The following SYNM variants were observed in gnomAD, a reference collection of about 807,000 sequenced individuals.
The protein encoded by SYNM is synemin.
In SYNM, 95 loss-of-function variants were observed where a neutral mutation model predicts 104.0. The observed-to-expected ratio is 0.91, with a 90% CI of 0.77 to 1.08. The LOEUF is 1.08. SYNM is among the 50% of genes least tolerant of loss of function. The probability of loss-of-function intolerance (pLI) is 0.00; values close to 1 mark genes in which losing one functional copy is unlikely to be tolerated. For missense variants in SYNM, 2,150 were observed against 2,052.2 expected, an observed-to-expected ratio of 1.05 and a Z score of -0.92; for synonymous variants, 918 against 869.0, an observed-to-expected ratio of 1.06 and a Z score of -0.99.
At chr15:99,118,058 C>T (rs548442221) in intron 2 of SYNM, among the ~76,000 whole-genome samples, 1 of 152,294 alleles carries the variant, frequency 6.6e-6, no homozygotes, top group South Asian at 2.1e-4. Flanking sequence ...CTGACAGGCC[C>T]TGCCCCGCTG....
At chr15:99,123,810 A>G (rs2067423575) in intron 2 of SYNM, among the ~76,000 whole-genome samples, 1 of 152,272 alleles carries the variant, frequency 6.6e-6, no homozygotes, top group Non-Finnish European at 1.5e-5. Context: ...GGGGCTGCAC[A>G]GAGCAGTGGC....
chr15:99,139,311 A>G (rs1555488844), downstream of SYNM: 2 of 1,611,616 alleles, frequency 1.2e-6, no homozygotes, highest in South Asian at 1.1e-5. Flanking sequence ...AGGGACGCCA[A>G]CTCACGTGGA....
At position 99,105,940 on chromosome 15, in the gene SYNM, G is replaced by C. The variant is rs1226168944; in HGVS notation, c.741G>C (p.Leu247=). Reference sequence around the variant, plus strand: ...GCGAGGCGCTCGGGTTGGAGCAGCTGCGCGCGCGGCTGGAGGACGCGCTGC... The same window carrying C: ...GCGAGGCGCTCGGGTTGGAGCAGCTCCGCGCGCGGCTGGAGGACGCGCTGC... The part of the protein sequence containing the change: ...LRREALGLEQ[L]RARLEDALLR... Residue 247 remains leucine (L), a synonymous_variant, in exon 1 of 4, where the codon CTG becomes CTC. Transcript: ENST00000336292. The C allele has an allele frequency of 6.6e-7, 1 of 1,525,436 alleles. No individual in the cohort carries two copies. Among genetic ancestry groups the C allele is most frequent in the Admixed American group, 2.0e-5 (1 of 50,066 alleles). 94.5% of individuals were successfully genotyped at this position (1,525,436 alleles called of 1,614,324 possible).
chr15:99,105,495 A>G lies in SYNM; in HGVS notation c.296A>G (p.Asp99Gly). 1 of 1,313,038 alleles carries G rather than the reference A, an allele frequency of 7.6e-7. No individual in the cohort carries two copies. Among genetic ancestry groups the G allele is most frequent in the East Asian group, 3.2e-5 (1 of 30,876 alleles). The allele number at this position is 1,313,038 out of a possible 1,614,324, so 81.3% of individuals were successfully genotyped here. ...RRELRELQRL[D>G]AEERAARGRL... The stretch of plus-strand genomic sequence containing the variant: ...GAGCTGCGGGAGCTGCAGCGCCTGG[A>G]TGCGGAGGAGCGCGCCGCCCGCGGC... Residue 99 changes from aspartate (D) to glycine (G), a missense_variant, in exon 1 of 4, where the codon GAT becomes GGT. By Grantham distance (94) the Asp-to-Gly change is moderately conservative. Coordinates refer to ENST00000336292, the MANE Select transcript of SYNM (RefSeq NM_145728.3).
In SYNM at chr15:99,111,918, G is replaced by A. The variant is rs138697648; in HGVS notation, c.811-1673G>A. On this transcript the variant is annotated intron_variant, in intron 1 of 3. Transcript: ENST00000336292. ...AAATCAGTTGGGCGTGATGGCAGGC[G>A]CCTGTATACAGTCCCAGCTACTTGG... is the stretch of plus-strand genomic sequence containing the variant. Among the ~76,000 whole-genome samples the A allele has an allele frequency of 2.9e-3, 435 of 152,298 alleles. 2 individuals are homozygous for A. Among genetic ancestry groups the A allele is most frequent in the African/African-American group, 9.3e-3 (388 of 41,568 alleles).
chr15:99,133,205 C>A lies in SYNM; in HGVS notation c.*147C>A. The A allele has an allele frequency of 7.0e-7, 1 of 1,429,708 alleles. No individual in the cohort carries two copies. 88.6% of individuals were successfully genotyped at this position (1,429,708 alleles called of 1,614,324 possible). Reference sequence around the variant, plus strand: ...GAGTACTCCCGGCATGGTCAATTTCCTTTATAGTTAATCCGTAAAGGTTTC... The same window carrying A: ...GAGTACTCCCGGCATGGTCAATTTCATTTATAGTTAATCCGTAAAGGTTTC... On this transcript the variant is annotated 3_prime_UTR_variant, in exon 4 of 4. Transcript: ENST00000336292.
intron 2 of SYNM, among the ~76,000 whole-genome samples, chr15:99,117,353 C>T (rs1555484060): frequency 6.6e-6 from 1 of 152,164 alleles, no homozygotes; most frequent in Non-Finnish European, 1.5e-5. Flanking sequence ...GCCTCTGAGC[C>T]CATCACTGGC....
rs377291518 is a variant in SYNM at position 99,132,620 on chromosome 15, T to C, written c.4260T>C (p.Arg1420=). The C allele has an allele frequency of 6.2e-7, 1 of 1,614,048 alleles. No individual in the cohort carries two copies. Among genetic ancestry groups the C allele is most frequent in the East Asian group, 2.2e-5 (1 of 44,892 alleles). Residue 1420 remains arginine (R), a synonymous_variant, in exon 4 of 4, where the codon CGT becomes CGC. Transcript: ENST00000336292. ...ETETSEHIAI[R]GPVSRTFVLA... ...AAACCTCTGAACACATTGCCATCCG[T>C]GGACCCGTGTCCAGAACATTTGTGC...
chr15:99,113,613 A>G lies in SYNM; in HGVS notation c.833A>G (p.Asp278Gly), dbSNP rs367590163. ...ERQRVIDCLE[D>G]EKATLTLAMA... ...TAGAGAGTGATTGACTGCCTGGAGG[A>G]TGAGAAGGCAACCCTCACCTTGGCC... Residue 278 changes from aspartate to glycine, a missense_variant, in exon 2 of 4, where the codon GAT becomes GGT. By Grantham distance (94) the Asp-to-Gly change is moderately conservative. Coordinates refer to ENST00000336292, the MANE Select transcript of SYNM (RefSeq NM_145728.3). The G allele has an allele frequency of 4.5e-5, 73 of 1,613,384 alleles. No individual in the cohort carries two copies. The highest frequency in any genetic ancestry group is 5.9e-5 in the Non-Finnish European group (70 of 1,179,702).
chr15:99,113,899 G>T (rs1307861858), intron 2 of SYNM, among the ~76,000 whole-genome samples, 184 bp downstream of exon 2: 1 of 152,214 alleles, frequency 6.6e-6, no homozygotes, highest in Non-Finnish European at 1.5e-5. Flanking sequence ...AGTAGGGCTT[G>T]CTTAGGTCAC....
rs187672271 is a variant in SYNM, at chr15:99,116,327, G to A, written c.935+2612G>A. Among the ~76,000 whole-genome samples the A allele has an allele frequency of 1.4e-4, 22 of 152,264 alleles. No homozygotes were observed. In the East Asian group the frequency reaches 2.9e-3, roughly 20 times the overall value. ...AATATGGAAAACTTGAAAACACTCG[G>A]GCTTTATTTGGGGGAAGAAAGCATT... is the stretch of plus-strand genomic sequence containing the variant. On this transcript the variant is annotated intron_variant, in intron 2 of 3. Transcript: ENST00000336292.
chr15:99,106,859 CAA>C (rs1555482884), intron 1 of SYNM, among the ~76,000 whole-genome samples: 2 of 152,212 alleles, frequency 1.3e-5, no homozygotes, highest in Non-Finnish European at 2.9e-5. Context: ...CAGTAGTTCT[CAA>C]AAGGACAGAT....
chr15:99,121,267 C>T (rs536315750), intron 2 of SYNM, among the ~76,000 whole-genome samples: 10 of 152,046 alleles, frequency 6.6e-5, no homozygotes, highest in Admixed American at 5.9e-4. Context: ...CCAGGGCCAG[C>T]ACTGTGGAGG....
intron 1 of SYNM, among the ~76,000 whole-genome samples, chr15:99,112,428 A>G (rs888634699): frequency 6.6e-6 from 1 of 152,208 alleles, no homozygotes; most frequent in East Asian, 1.9e-4. Context: ...TGAAGCCCAT[A>G]TGTTTGTTTG....
Position 99,135,149 on chromosome 15 carries a change from T to G in SYNM, c.*2091T>G, listed in dbSNP as rs1555486538. 1 of 152,630 alleles carries G rather than the reference T, an allele frequency of 6.6e-6. No individual in the cohort carries two copies. The highest frequency in any genetic ancestry group is 2.4e-5 in the African/African-American group (1 of 41,424). The allele number at this position is 152,630 out of a possible 1,614,324, so 9.5% of individuals were successfully genotyped here. On this transcript the variant is annotated 3_prime_UTR_variant, in exon 4 of 4. Coordinates refer to ENST00000336292, the MANE Select transcript of SYNM (RefSeq NM_145728.3). ...AATATTATGACCCACTTCTATTTAC[T>G]TTGGGAAATATCTTGGATCTTAATT...
In SYNM at chr15:99,132,434, T is replaced by C. The variant is rs781950179; in HGVS notation, c.4074T>C (p.His1358=). ...ATGTGCACCAGGCCACTCACAGTCATACCTCGGGTAGACAAACCGTTATGA... is the reference window on the plus strand; with the variant it reads ...ATGTGCACCAGGCCACTCACAGTCACACCTCGGGTAGACAAACCGTTATGA... ...SADVHQATHS[H]TSGRQTVMTE... Residue 1358 remains histidine (H), a synonymous_variant, in exon 4 of 4, where the codon CAT becomes CAC. Transcript: ENST00000336292. The C allele has an allele frequency of 1.1e-5, 18 of 1,614,020 alleles. No individual in the cohort carries two copies. In the South Asian group the frequency reaches 2.0e-4, roughly 18 times the overall value.
intron 2 of SYNM, among the ~76,000 whole-genome samples, chr15:99,115,188 G>A (rs1456175664): frequency 4.6e-5 from 7 of 152,170 alleles, no homozygotes; most frequent in African/African-American, 1.7e-4. Flanking sequence ...CAGGATTGTG[G>A]AACATGTGGC....
Position 99,132,028 on chromosome 15 carries a change from T to C in SYNM, c.3668T>C (p.Phe1223Ser), listed in dbSNP as rs531586093. 1.2e-6 allele frequency: 2 copies of C among 1,613,948 alleles called. No individual in the cohort carries two copies. The highest frequency in any genetic ancestry group is 1.7e-5 in the Admixed American group (1 of 60,030). The change falls in exon 4 of 4, where the codon TTT becomes TCT. Residue 1223 changes from phenylalanine (F) to serine (S), a missense_variant. Transcript: ENST00000336292. ...DMDGSGRHST[F>S]GCRQFHAEKE... ...GACGGATCAGGGAGGCACAGCACAT[T>C]TGGCTGCAGACAATTTCATGCTGAA...
Position 99,131,319 on chromosome 15 carries a change from A to G in SYNM, c.2959A>G (p.Lys987Glu), listed in dbSNP as rs782412672. The G allele has an allele frequency of 5.6e-6, 9 of 1,613,060 alleles. No individual in the cohort carries two copies. Among genetic ancestry groups the G allele is most frequent in the Non-Finnish European group, 7.6e-6 (9 of 1,179,700 alleles). ...GGPGSVSVDV[K>E]KVQGAGGSSV... ...GCCGGGGAGCGTTTCCGTGGATGTC[A>G]AGAAGGTCCAGGGTGCTGGTGGCAG... The change falls in exon 4 of 4, where the codon AAG (lysine) becomes GAG (glutamate). Residue 987 changes from lysine to glutamate, a missense_variant. Transcript: ENST00000336292. The surrounding 1 kb of genome is among the most constrained non-coding windows in gnomAD (Gnocchi z 4.3).
Sources: allele counts gnomAD v4.1 joint callset (sites outside exome capture counted in the v4.1 genomes callset), GRCh38; gene constraint gnomAD v4.1.1; non-coding constraint Gnocchi (gnomAD v3.1); transcripts MANE v1.5; gene names NCBI Gene and HGNC (gene_info 2026-07-23, HGNC 2026-07-21).